CBFB: variants seen among roughly 807,000 people sequenced by gnomAD.
The protein encoded by CBFB is core-binding factor subunit beta, also known as CBF-beta.
In CBFB, 9 loss-of-function variants were observed where a neutral mutation model predicts 30.4. The observed-to-expected ratio is 0.30, with a 90% CI of 0.18 to 0.52. CBFB has a LOEUF of 0.52. Among genes scored for constraint, CBFB ranks in the 20% least tolerant of loss-of-function variants. The pLI is 0.97. For synonymous variants in CBFB, 94 were observed against 84.0 expected (o/e 1.12, Z -0.65); for missense variants, 170 against 244.0 (o/e 0.70, Z 2.02).
chr16:67,093,775 G>C (rs181887409), intron 5 of CBFB: 1 of 152,306 alleles, frequency 6.6e-6, no homozygotes, highest in East Asian at 1.9e-4. Context: ...AGGCCCTATG[G>C]CTGAGGAGAA....
At chr16:67,094,710 T>A (rs1445644934) in intron 5 of CBFB, among the ~76,000 whole-genome samples, 3 of 152,232 alleles carry the variant, frequency 2.0e-5, no homozygotes, top group Non-Finnish European at 2.9e-5. Context: ...TCACCATCTC[T>A]GATTTTGCAG....
chr16:67,089,681 C>G (rs2145780201), intron 5 of CBFB, among the ~76,000 whole-genome samples: 1 of 152,216 alleles, frequency 6.6e-6, no homozygotes, highest in Admixed American at 6.5e-5. Context: ...TCTGGTGTCC[C>G]TGGGGGTGTT....
intron 3 of CBFB, among the ~76,000 whole-genome samples, chr16:67,054,555 ACTTC>A (rs1960656592): frequency 6.6e-6 from 1 of 151,864 alleles, no homozygotes; most frequent in African/African-American, 2.4e-5. Context: ...TTAATTGATG[ACTTC>A]CTTTCTTATA....
chr16:67,054,979 T>A (rs1386385391), intron 3 of CBFB, among the ~76,000 whole-genome samples: 3 of 151,962 alleles, frequency 2.0e-5, no homozygotes, highest in African/African-American at 7.2e-5. Context: ...AGAGCTCTTT[T>A]TTGTGTGTGC....
In CBFB at chr16:67,094,117, CTT is replaced by C. The variant is rs757109594; in HGVS notation, c.496-4573_496-4572del. Among the ~76,000 whole-genome samples, 336 of 130,518 alleles carry C rather than the reference CTT, an allele frequency of 2.6e-3. 1 individual carries two copies. Among genetic ancestry groups the C allele is most frequent in the African/African-American group, 8.9e-3 (295 of 32,966 alleles). 85.6% of individuals were successfully genotyped at this position (130,518 alleles called of 152,430 possible). ...ATTTGTACTGTTAGACTTCCTCCCT[CTT>C]TTTTTTTTTTTTTTTTTTTAAAGAG... On this transcript the variant is annotated intron_variant, in intron 5 of 5. Transcript: ENST00000412916.
rs971993971 is a variant in CBFB, at chr16:67,098,735, C to G, written c.521C>G (p.Pro174Arg). 5 of 1,610,768 alleles carry G rather than the reference C, an allele frequency of 3.1e-6. No individual in the cohort carries two copies. Among genetic ancestry groups the G allele is most frequent in the Admixed American group, 1.7e-5 (1 of 59,970 alleles). The part of the protein sequence containing the change: ...MEARRQQDPS[P>R]GSNLGGGDDL... ...GCAAGAAGACAACAAGACCCTAGTCCTGGTTCCAATTTAGGTGGTGGTGAT... is the reference window on the plus strand; with the variant it reads ...GCAAGAAGACAACAAGACCCTAGTCGTGGTTCCAATTTAGGTGGTGGTGAT... The change falls in exon 6 of 6, where the codon CCT becomes CGT. Residue 174 changes from proline (P) to arginine (R), a missense_variant. Physicochemically the swap from Pro to Arg is moderately radical, Grantham distance 103. Transcript: ENST00000412916.
chr16:67,075,376 C>T (rs951069336), intron 4 of CBFB, among the ~76,000 whole-genome samples: 1 of 152,052 alleles, frequency 6.6e-6, no homozygotes, highest in Admixed American at 6.6e-5. Context: ...CTTGGATCAT[C>T]AGAAAAATAA....
intron 3 of CBFB, among the ~76,000 whole-genome samples, chr16:67,055,516 G>A (rs1398233875): frequency 6.6e-6 from 1 of 151,714 alleles, no homozygotes; most frequent in African/African-American, 2.4e-5. Context: ...ACCACGCCCA[G>A]CTGATTTTTT....
At chr16:67,075,606 C>T (rs1567619296) in intron 4 of CBFB, among the ~76,000 whole-genome samples, 1 of 152,044 alleles carries the variant, frequency 6.6e-6, no homozygotes, top group Non-Finnish European at 1.5e-5. Flanking sequence ...CAGTTCTACT[C>T]CAAGGCATGA....
intron 2 of CBFB, among the ~76,000 whole-genome samples, chr16:67,032,699 A>C (rs1434729473): frequency 6.6e-6 from 1 of 152,158 alleles, no homozygotes; most frequent in Non-Finnish European, 1.5e-5. Flanking sequence ...AATGCCTGAA[A>C]TTTATCTCAT....
At chr16:67,053,750 C>T (rs550031121) in intron 3 of CBFB, among the ~76,000 whole-genome samples, 3 of 151,976 alleles carry the variant, frequency 2.0e-5, no homozygotes, top group Non-Finnish European at 4.4e-5. Flanking sequence ...CATTGCTCAC[C>T]GTGTGCCGGA....
At chr16:67,051,374 ATAATG>A (rs780913188) in intron 3 of CBFB, among the ~76,000 whole-genome samples, 2 of 152,176 alleles carry the variant, frequency 1.3e-5, no homozygotes, top group African/African-American at 2.4e-5. Context: ...AAAAACAAAA[ATAATG>A]TAATGTATTT....
At chr16:67,032,160 G>A (rs1461665752) in intron 2 of CBFB, among the ~76,000 whole-genome samples, 1 of 152,124 alleles carries the variant, frequency 6.6e-6, no homozygotes, top group African/African-American at 2.4e-5. Context: ...TAGTACAGGT[G>A]GTTAGTGTTT....
At chr16:67,038,469 T>C (rs1187789740) in intron 3 of CBFB, among the ~76,000 whole-genome samples, 1 of 151,986 alleles carries the variant, frequency 6.6e-6, no homozygotes, top group Non-Finnish European at 1.5e-5. Context: ...GACAAAACAA[T>C]CTTTGGATTA....
chr16:67,090,525 T>A (rs556687187), intron 5 of CBFB, among the ~76,000 whole-genome samples: 3 of 152,366 alleles, frequency 2.0e-5, no homozygotes, highest in Non-Finnish European at 4.4e-5. Flanking sequence ...ACAGATTTCA[T>A]GCTCTGATCA....
intron 4 of CBFB, among the ~76,000 whole-genome samples, chr16:67,071,828 C>G (rs1422159526): frequency 6.6e-6 from 1 of 152,084 alleles, no homozygotes; most frequent in Non-Finnish European, 1.5e-5. Flanking sequence ...GCATTTTATA[C>G]TTAGGGTTTC....
intron 3 of CBFB, among the ~76,000 whole-genome samples, chr16:67,051,742 G>A (rs1167456619): frequency 1.3e-5 from 2 of 148,882 alleles, no homozygotes; most frequent in African/African-American, 5.0e-5. Context: ...TGATTTTGGT[G>A]TTTTTTTTGT....
chr16:67,043,177 C>T (rs540500530), intron 3 of CBFB, among the ~76,000 whole-genome samples: 2 of 152,272 alleles, frequency 1.3e-5, no homozygotes, highest in East Asian at 3.9e-4. Flanking sequence ...AGGGATTACA[C>T]AGGGGTGTGA....
Position 67,029,268 on chromosome 16 carries a change from C to G in CBFB, c.-140C>G. On this transcript the variant is annotated 5_prime_UTR_variant, in exon 1 of 6. Coordinates refer to ENST00000412916, the MANE Select transcript of CBFB (RefSeq NM_022845.3). Reference sequence around the variant, plus strand: ...TCAGACTCCCCGGAACGGGAGCCCACGCGGGCGGGCGCCTGAAACAAAGGG... The same window carrying G: ...TCAGACTCCCCGGAACGGGAGCCCAGGCGGGCGGGCGCCTGAAACAAAGGG... 2.1e-6 allele frequency: 1 copy of G among 468,134 alleles called. No homozygotes were observed. Among genetic ancestry groups the G allele is most frequent in the Non-Finnish European group, 3.4e-6 (1 of 297,238 alleles). 29.0% of individuals were successfully genotyped at this position (468,134 alleles called of 1,614,324 possible).
Sources: allele counts gnomAD v4.1 joint callset (sites outside exome capture counted in the v4.1 genomes callset), GRCh38; gene constraint gnomAD v4.1.1; transcripts MANE v1.5; gene names NCBI Gene and HGNC (gene_info 2026-07-23, HGNC 2026-07-21).